The following CSMD1 variants were observed in gnomAD, a reference collection of about 807,000 sequenced individuals.
The protein encoded by CSMD1 is CUB and sushi domain-containing protein 1.
CSMD1 carries 213 observed loss-of-function variants against 417.5 expected under a neutral mutation model. That is an observed-to-expected ratio of 0.51 (90% CI 0.46 to 0.57). The LOEUF (loss-of-function observed/expected upper bound fraction) is 0.57. Ranked by LOEUF, CSMD1 falls within the 20% of genes least tolerant of loss-of-function variation. The pLI is 0.00. For missense variants in CSMD1, 6,923 were observed against 4,529.7 expected (o/e 1.53, Z -15.17); for synonymous variants, 2,862 against 1,736.8 (o/e 1.65, Z -16.11).
intron 1 of CSMD1, among the ~76,000 whole-genome samples, chr8:4,696,357 A>G (rs1280951159): frequency 2.0e-5 from 3 of 152,226 alleles, no homozygotes; most frequent in Non-Finnish European, 4.4e-5. Flanking sequence ...TTCATCTACT[A>G]TAAACTAAGG....
intron 2 of CSMD1, among the ~76,000 whole-genome samples, chr8:4,599,394 G>C (rs901624600): frequency 1.3e-5 from 2 of 151,666 alleles, no homozygotes; most frequent in African/African-American, 4.8e-5. Flanking sequence ...GATCTGTTGA[G>C]AATGCAAGGA....
chr8:4,180,854 G>C (rs1324651959), intron 3 of CSMD1, among the ~76,000 whole-genome samples: 3 of 152,038 alleles, frequency 2.0e-5, no homozygotes, highest in Non-Finnish European at 2.9e-5. Context: ...ATATTTAAAA[G>C]CTCACGATAC....
chr8:4,646,073 A>G (rs901542853), intron 1 of CSMD1, among the ~76,000 whole-genome samples: 12 of 152,194 alleles, frequency 7.9e-5, no homozygotes, highest in South Asian at 2.1e-4. Flanking sequence ...ACAGGTGACA[A>G]TCTAAACCTG....
At chr8:3,417,861 C>T (rs1422016558) in intron 12 of CSMD1, among the ~76,000 whole-genome samples, 1 of 152,164 alleles carries the variant, frequency 6.6e-6, no homozygotes, top group South Asian at 2.1e-4. Context: ...AACATGTCCA[C>T]GCGGTATGGA....
At chr8:4,877,544 G>A (rs988005477) in intron 1 of CSMD1, among the ~76,000 whole-genome samples, 1 of 151,876 alleles carries the variant, frequency 6.6e-6, no homozygotes, top group African/African-American at 2.4e-5. Flanking sequence ...TCATATCAAT[G>A]CATTGCACTA....
chr8:3,244,140 G>A (rs1249780546), intron 26 of CSMD1, among the ~76,000 whole-genome samples: 1 of 152,196 alleles, frequency 6.6e-6, no homozygotes, highest in East Asian at 1.9e-4. Context: ...CGTTCAACAC[G>A]TGAAGGAAAG....
Position 3,776,108 on chromosome 8 carries a change from C to T in CSMD1, c.819-22066G>A, listed in dbSNP as rs182088891. On this transcript the variant is annotated intron_variant, in intron 5 of 69. Transcript: ENST00000635120. Reference sequence around the variant, plus strand: ...CTACTCTTTCCCCATCCTCCCCCATCCTTCCTTCCTTCTTCTTACCTGCAC... The same window carrying T: ...CTACTCTTTCCCCATCCTCCCCCATTCTTCCTTCCTTCTTCTTACCTGCAC... Among the ~76,000 whole-genome samples the T allele has an allele frequency of 2.5e-3, 387 of 152,284 alleles. 1 individual carries two copies. Among genetic ancestry groups the T allele is most frequent in the South Asian group, 4.6e-3 (22 of 4,824 alleles).
intron 9 of CSMD1, 60 bp from the exon 10 acceptor site, chr8:3,575,126 T>A: frequency 1.3e-6 from 2 of 1,523,370 alleles, no homozygotes; most frequent in Non-Finnish European, 1.8e-6. Context: ...GGTAAAGACA[T>A]AACATTTATG....
chr8:3,907,802 C>T (rs8180892), intron 5 of CSMD1, among the ~76,000 whole-genome samples: 78,408 of 152,036 alleles, frequency 0.52, 23,635 homozygotes, highest in South Asian at 0.66. Context: ...TCGTATCAAA[C>T]AGCCCAAGAT....
At chr8:4,024,479 G>C (rs2688396) in intron 4 of CSMD1, among the ~76,000 whole-genome samples, 36,263 of 152,076 alleles carry the variant, frequency 0.24, 4,830 homozygotes, top group East Asian at 0.41. Context: ...GTTGGGATGA[G>C]ACCACCCAAA....
intron 25 of CSMD1, among the ~76,000 whole-genome samples, chr8:3,302,519 G>GTCTA (rs895091375): frequency 2.8e-4 from 42 of 152,262 alleles, no homozygotes; most frequent in African/African-American, 9.1e-4. Context: ...TTCCCTGCAT[G>GTCTA]TCTATCTTTT....
chr8:3,799,513 A>G (rs975068963), intron 5 of CSMD1, among the ~76,000 whole-genome samples: 2 of 150,568 alleles, frequency 1.3e-5, no homozygotes, highest in African/African-American at 4.9e-5. Context: ...TAAAGCATAC[A>G]TGTAACATTA....
chr8:4,262,730 T>G (rs1803973854), intron 3 of CSMD1, among the ~76,000 whole-genome samples: 1 of 152,148 alleles, frequency 6.6e-6, no homozygotes, highest in African/African-American at 2.4e-5. Flanking sequence ...CACTTCCCTT[T>G]TGGCCCTGAG....
At chr8:4,375,781 C>G (rs1802695997) in intron 3 of CSMD1, among the ~76,000 whole-genome samples, 1 of 152,192 alleles carries the variant, frequency 6.6e-6, no homozygotes, top group Non-Finnish European at 1.5e-5. Flanking sequence ...TGATTTCCCC[C>G]TCTTCAAACC....
At chr8:4,962,355 T>A (rs1223288953) in intron 1 of CSMD1, among the ~76,000 whole-genome samples, 1 of 152,000 alleles carries the variant, frequency 6.6e-6, no homozygotes, top group African/African-American at 2.4e-5. Context: ...GGACTACAGG[T>A]GCAAGCCATC....
intron 10 of CSMD1, among the ~76,000 whole-genome samples, chr8:3,532,801 CTA>C (rs1272159840): frequency 1.3e-5 from 2 of 152,116 alleles, no homozygotes; most frequent in African/African-American, 4.8e-5. Context: ...GACATATAAT[CTA>C]TATCTGATTC....
intron 11 of CSMD1, among the ~76,000 whole-genome samples, chr8:3,490,487 T>G (rs1220308869): frequency 6.6e-6 from 1 of 152,240 alleles, no homozygotes; most frequent in African/African-American, 2.4e-5. Context: ...TTTATTTTAG[T>G]GACATCCTCT....
chr8:3,857,753 T>C lies in CSMD1; in HGVS notation c.819-103711A>G, dbSNP rs761538845. On this transcript the variant is annotated intron_variant, in intron 5 of 69. Transcript: ENST00000635120. ...AAGACAGTTTTTGACAGAGCTTCTA[T>C]AGGTAAAAATGTGAAGAGAGATGCA... Among the ~76,000 whole-genome samples, 26 of 152,270 alleles carry C rather than the reference T, an allele frequency of 1.7e-4. 1 individual carries two copies. Among genetic ancestry groups the C allele is most frequent in the East Asian group, 1.5e-3 (8 of 5,180 alleles).
At chr8:4,458,474 T>G (rs1275790676) in intron 2 of CSMD1, among the ~76,000 whole-genome samples, 1 of 152,190 alleles carries the variant, frequency 6.6e-6, no homozygotes, top group South Asian at 2.1e-4. Flanking sequence ...TAACTACTAT[T>G]GCTAAGCATG....
Sources: allele counts gnomAD v4.1 joint callset (sites outside exome capture counted in the v4.1 genomes callset), GRCh38; gene constraint gnomAD v4.1.1; transcripts MANE v1.5; gene names NCBI Gene and HGNC (gene_info 2026-07-23, HGNC 2026-07-21).